The following ALKBH4 variants were observed in gnomAD, a reference collection of about 807,000 sequenced individuals.
The protein encoded by ALKBH4 is alkB homolog 4, lysine demethylase, also known as alpha-ketoglutarate-dependent dioxygenase alkB homolog 4.
In ALKBH4, 8 loss-of-function variants were observed where a neutral mutation model predicts 12.1. The ratio of observed to expected loss-of-function variants is 0.66; its 90% CI spans 0.39 to 1.19. ALKBH4 has a LOEUF of 1.19. Ranked by LOEUF, ALKBH4 falls within the 50% of genes most tolerant of loss-of-function variation. The pLI is 0.01. For missense variants in ALKBH4, 403 were observed against 430.4 expected, an observed-to-expected ratio of 0.94 and a Z score of 0.56; for synonymous variants, 195 against 191.6, an observed-to-expected ratio of 1.02 and a Z score of -0.15.
At position 102,457,766 on chromosome 7, in the gene ALKBH4, C is replaced by A. The variant is rs750648959; in HGVS notation, c.537G>T (p.Arg179=). The part of the protein sequence containing the change: ...HLDDAWLWGE[R]LVSLNLLSPT... The stretch of plus-strand genomic sequence containing the variant: ...GGGACAGGAGGTTGAGGCTGACCAG[C>A]CGCTCCCCCCACAGCCAGGCGTCGT... Residue 179 remains arginine (R), a synonymous_variant, in exon 3 of 3, where the codon CGG becomes CGT. Coordinates refer to ENST00000292566, the MANE Select transcript of ALKBH4 (RefSeq NM_017621.4). The surrounding 1 kb of genome is among the most constrained non-coding windows in gnomAD (Gnocchi z 5.9). 2 of 1,591,872 alleles carry A rather than the reference C, an allele frequency of 1.3e-6. No homozygotes were observed. The highest frequency in any genetic ancestry group is 2.3e-5 in the East Asian group (1 of 44,360).
At chr7:102,458,081 C>A in intron 2 of ALKBH4, 100 bp from the exon 3 acceptor site, 1 of 1,213,520 alleles carries the variant, frequency 8.2e-7, no homozygotes, top group Non-Finnish European at 1.1e-6. Flanking sequence ...CCCAGGCAAG[C>A]AAAAGCCCCC....
At chr7:102,462,292 G>A (rs1797816131) in intron 1 of ALKBH4, among the ~76,000 whole-genome samples, 2 of 152,244 alleles carry the variant, frequency 1.3e-5, no homozygotes, top group African/African-American at 2.4e-5. Flanking sequence ...CACTCTCCTT[G>A]TTCCATAGCC....
At chr7:102,462,112 C>T (rs1379677808) in intron 1 of ALKBH4, among the ~76,000 whole-genome samples, 2 of 152,194 alleles carry the variant, frequency 1.3e-5, no homozygotes, top group African/African-American at 4.8e-5. Context: ...GTCGGCTGAG[C>T]AGGCTGGACT....
intron 1 of ALKBH4, among the ~76,000 whole-genome samples, chr7:102,462,344 G>A (rs1797817164): frequency 2.0e-5 from 3 of 151,986 alleles, no homozygotes; most frequent in Non-Finnish European, 4.4e-5. Flanking sequence ...CCACTGGAAC[G>A]GGTCAGACTT....
chr7:102,462,540 A>T (rs1222074179), intron 1 of ALKBH4, among the ~76,000 whole-genome samples: 2 of 151,628 alleles, frequency 1.3e-5, no homozygotes, highest in African/African-American at 2.4e-5. Flanking sequence ...GCTAATTTTT[A>T]AATTTTTTGT....
Position 102,457,533 on chromosome 7 carries a change from T to A in ALKBH4, c.770A>T (p.His257Leu). ...GCGGCGGGCCTCGATGTGTCTGCGG[T>A]GGATGGCATGCTTCCACTGGTGCCG... The part of the protein sequence containing the change: ...AARHQWKHAI[H>L]RRHIEARRVC... The change falls in exon 3 of 3, where the codon CAC becomes CTC. Residue 257 changes from histidine to leucine, a missense_variant. His to Leu is a moderately conservative substitution (Grantham distance 99). Coordinates refer to ENST00000292566, the MANE Select transcript of ALKBH4 (RefSeq NM_017621.4). This position sits in a 1 kb window ranked among gnomAD's most constrained non-coding sequence, Gnocchi z 5.9. 1 of 1,612,426 alleles carries A rather than the reference T, an allele frequency of 6.2e-7. No homozygotes were observed. Among genetic ancestry groups the A allele is most frequent in the Non-Finnish European group, 8.5e-7 (1 of 1,179,910 alleles).
In ALKBH4 at chr7:102,459,706, CACT is replaced by C; in HGVS notation, c.216_218del (p.Val73del). The C allele has an allele frequency of 6.2e-7, 1 of 1,614,220 alleles. No individual in the cohort carries two copies. Among genetic ancestry groups the C allele is most frequent in the Non-Finnish European group, 8.5e-7 (1 of 1,180,034 alleles). The stretch of plus-strand genomic sequence containing the variant: ...GGGTCACAAAGTCCTCGATCAGCAT[CACT>C]CCTGGGAAGGGGAAGGCCCAGCCCT... On this transcript the variant is annotated inframe_deletion, in exon 2 of 3. Transcript: ENST00000292566.
At chr7:102,464,216 CAG>C (rs975997316) in intron 1 of ALKBH4, among the ~76,000 whole-genome samples, 3 of 152,160 alleles carry the variant, frequency 2.0e-5, no homozygotes, top group African/African-American at 7.2e-5. Flanking sequence ...TTTTGTGAGA[CAG>C]AGTCTCGCTC....
At chr7:102,460,484 C>A (rs1563649610) in intron 1 of ALKBH4, among the ~76,000 whole-genome samples, 1 of 152,220 alleles carries the variant, frequency 6.6e-6, no homozygotes, top group Non-Finnish European at 1.5e-5. Context: ...GGCAGAGCCT[C>A]TGCCCCAGGC....
chr7:102,457,011 T>C lies in ALKBH4; in HGVS notation c.*383A>G, dbSNP rs561630818. The C allele has an allele frequency of 7.5e-4, 122 of 161,602 alleles. 1 individual carries two copies. Among genetic ancestry groups the C allele is most frequent in the African/African-American group, 2.8e-3 (119 of 41,860 alleles). 10.0% of individuals were successfully genotyped at this position (161,602 alleles called of 1,614,324 possible). ...ACCCGGCTAATTTTTGTAGTTTTTGTAGAGACGGGTTTTCACCGTGTTGGC... is the reference window on the plus strand; with the variant it reads ...ACCCGGCTAATTTTTGTAGTTTTTGCAGAGACGGGTTTTCACCGTGTTGGC... On this transcript the variant is annotated 3_prime_UTR_variant, in exon 3 of 3. Transcript: ENST00000292566. This position sits in a 1 kb window ranked among gnomAD's most constrained non-coding sequence, Gnocchi z 5.9.
rs762645935 is a variant in ALKBH4 at position 102,457,736 on chromosome 7, G to A, written c.567C>T (p.Thr189=). 7.6e-6 allele frequency: 12 copies of A among 1,574,834 alleles called. No individual in the cohort carries two copies. The highest frequency in any genetic ancestry group is 2.7e-5 in the African/African-American group (2 of 74,406). The part of the protein sequence containing the change: ...RLVSLNLLSP[T]VLSMCREAPG... ...GCGCCTCCCGACACATGGACAGCACGGTGGGGGACAGGAGGTTGAGGCTGA... is the reference window on the plus strand; with the variant it reads ...GCGCCTCCCGACACATGGACAGCACAGTGGGGGACAGGAGGTTGAGGCTGA... Residue 189 remains threonine, a synonymous_variant, in exon 3 of 3, where the codon ACC becomes ACT. Coordinates refer to ENST00000292566, the MANE Select transcript of ALKBH4 (RefSeq NM_017621.4). This position sits in a 1 kb window ranked among gnomAD's most constrained non-coding sequence, Gnocchi z 5.9.
chr7:102,457,231 G>C lies in ALKBH4; in HGVS notation c.*163C>G. 1.3e-6 allele frequency: 1 copy of C among 748,200 alleles called. No homozygotes were observed. The highest frequency in any genetic ancestry group is 2.1e-6 in the Non-Finnish European group (1 of 476,278). The allele number at this position is 748,200 out of a possible 1,614,324, so 46.3% of individuals were successfully genotyped here. ...GGTCCAGGTGGAAGGGGGCTGCCTG[G>C]AGGTACGTTCCCATCAAAACCTGCT... On this transcript the variant is annotated 3_prime_UTR_variant, in exon 3 of 3. Transcript: ENST00000292566. The surrounding 1 kb of genome is among the most constrained non-coding windows in gnomAD (Gnocchi z 5.9).
intron 1 of ALKBH4, among the ~76,000 whole-genome samples, chr7:102,460,500 G>A (rs1177731879): frequency 5.9e-5 from 9 of 152,206 alleles, no homozygotes; most frequent in Non-Finnish European, 1.0e-4. Context: ...CAGGCTGACC[G>A]GGGAAGGCCC....
At chr7:102,458,910 A>T (rs1401844633) in intron 2 of ALKBH4, among the ~76,000 whole-genome samples, 1 of 152,068 alleles carries the variant, frequency 6.6e-6, no homozygotes, top group Non-Finnish European at 1.5e-5. Context: ...GCACTTTGGG[A>T]GGCTGAGGCG....
chr7:102,460,147 C>CAAA (rs55976687), intron 1 of ALKBH4, among the ~76,000 whole-genome samples: 3 of 133,318 alleles, frequency 2.3e-5, no homozygotes, highest in African/African-American at 8.6e-5. Context: ...GAGTGAGACT[C>CAAA]AAAAAAAAAA....
intron 1 of ALKBH4, among the ~76,000 whole-genome samples, chr7:102,460,507 G>A: frequency 6.6e-6 from 1 of 152,182 alleles, no homozygotes; most frequent in Non-Finnish European, 1.5e-5. Flanking sequence ...ACCGGGGAAG[G>A]CCCGCAGCCC....
chr7:102,460,657 C>T (rs1797773880), intron 1 of ALKBH4, among the ~76,000 whole-genome samples: 1 of 152,224 alleles, frequency 6.6e-6, no homozygotes, highest in Admixed American at 6.5e-5. Flanking sequence ...CGAGGCTGGA[C>T]AGCACCTCCT....
At chr7:102,464,681 G>GT in intron 1 of ALKBH4, 33 bp downstream of exon 1, 1 of 1,494,552 alleles carries the variant, frequency 6.7e-7, no homozygotes, top group East Asian at 2.7e-5. Flanking sequence ...GCAGAGCGAC[G>GT]TTTGTGGGCG....
intron 1 of ALKBH4, among the ~76,000 whole-genome samples, chr7:102,461,486 G>A (rs1190344637): frequency 2.0e-5 from 3 of 151,896 alleles, no homozygotes; most frequent in Admixed American, 6.6e-5. Flanking sequence ...TCAACCTCCC[G>A]AGTAGCTGGG....
Sources: gnomAD v4.1 joint callset for allele counts (sites outside exome capture counted in the v4.1 genomes callset) on GRCh38, gnomAD v4.1.1 for gene constraint, Gnocchi (gnomAD v3.1) non-coding constraint, MANE v1.5 for transcripts, NCBI Gene and HGNC (gene_info 2026-07-23, HGNC 2026-07-21) for gene names.